Variants in EYS observed in about 807,000 individuals in gnomAD.
The protein encoded by EYS is protein eyes shut homolog.
Under a neutral mutation model 282.1 loss-of-function variants are expected in EYS, and 250 were observed. The observed-to-expected ratio is 0.89, with a 90% confidence interval of 0.80 to 0.98. The LOEUF (loss-of-function observed/expected upper bound fraction) is 0.98. Among genes scored for constraint, EYS ranks in the 50% least tolerant of loss-of-function variants. The pLI is 0.00. For synonymous variants in EYS, 1,355 were observed against 1,282.9 expected, an observed-to-expected ratio of 1.06 and a Z score of -1.20; for missense variants, 4,016 against 3,709.0, an observed-to-expected ratio of 1.08 and a Z score of -2.15.
chr6:64,465,397 T>C (rs1200170912), intron 26 of EYS, among the ~76,000 whole-genome samples: 1 of 152,092 alleles, frequency 6.6e-6, no homozygotes, highest in Non-Finnish European at 1.5e-5. Context: ...ACAGCAATAG[T>C]ACTGGCATAA....
chr6:64,368,914 C>T (rs1772263825), intron 29 of EYS, among the ~76,000 whole-genome samples: 1 of 152,024 alleles, frequency 6.6e-6, no homozygotes. Flanking sequence ...TTAATTAGGT[C>T]CCATTTGTCA....
intron 31 of EYS, among the ~76,000 whole-genome samples, chr6:64,087,793 T>C (rs1772206874): frequency 6.6e-6 from 1 of 152,086 alleles, no homozygotes; most frequent in African/African-American, 2.4e-5. Flanking sequence ...AGAAAATGTT[T>C]GAGAAAGGAT....
intron 11 of EYS, among the ~76,000 whole-genome samples, chr6:65,320,128 C>G (rs1769429609): frequency 6.6e-6 from 1 of 151,754 alleles, no homozygotes. Context: ...TTAAGTGGAG[C>G]TGCCTAAGGA....
chr6:64,185,367 C>A (rs1482757221), intron 31 of EYS, among the ~76,000 whole-genome samples: 3 of 132,392 alleles, frequency 2.3e-5, no homozygotes, highest in Non-Finnish European at 4.9e-5. Context: ...ATACTGTATT[C>A]ACTTGATTAT....
At chr6:64,295,510 GA>G (rs1216310889) in intron 30 of EYS, among the ~76,000 whole-genome samples, 6 of 21,928 alleles carry the variant, frequency 2.7e-4, no homozygotes, top group East Asian at 1.3e-3. Context: ...GAAGAAAGAA[GA>G]AAGAAGAAAG....
At chr6:64,724,212 C>G (rs550649199) in intron 22 of EYS, among the ~76,000 whole-genome samples, 2 of 152,244 alleles carry the variant, frequency 1.3e-5, no homozygotes, top group Non-Finnish European at 2.9e-5. Context: ...CTAACCCATT[C>G]AGGCTGAGCC....
chr6:64,030,760 C>A (rs1209700224), intron 33 of EYS, among the ~76,000 whole-genome samples: 2 of 152,172 alleles, frequency 1.3e-5, no homozygotes, highest in South Asian at 2.1e-4. Flanking sequence ...GAATTGAGGC[C>A]ATCAAGCTAC....
At chr6:64,226,241 A>AT (rs1305100848) in intron 31 of EYS, among the ~76,000 whole-genome samples, 2 of 152,078 alleles carry the variant, frequency 1.3e-5, no homozygotes, top group Non-Finnish European at 2.9e-5. Flanking sequence ...AAGGCAGTCT[A>AT]TTTTTTTAAC....
At chr6:65,040,076 T>C (rs528232413) in intron 13 of EYS, among the ~76,000 whole-genome samples, 1 of 151,798 alleles carries the variant, frequency 6.6e-6, no homozygotes, top group South Asian at 2.1e-4. Flanking sequence ...TCACCATTAA[T>C]GACACTTTTA....
Position 63,721,011 on chromosome 6 carries a change from TCATTTTCTTC to T in EYS, c.9010_9019del (p.Glu3004IlefsTer12). Reference sequence around the variant, plus strand: ...ATTATGGAGACCAATTGCCAGAAAATCATTTTCTTCATTTTGAGCTATTCCCATCCATACA... The same window carrying T: ...ATTATGGAGACCAATTGCCAGAAAATATTTTGAGCTATTCCCATCCATACA... On this transcript the variant is annotated frameshift_variant, in exon 43 of 43. Transcript: ENST00000503581. LOFTEE classifies it high-confidence loss of function. 1 of 1,551,312 alleles carries T rather than the reference TCATTTTCTTC, an allele frequency of 6.4e-7. No homozygotes were observed. Among genetic ancestry groups the T allele is most frequent in the Non-Finnish European group, 8.7e-7 (1 of 1,146,786 alleles).
At chr6:65,468,812 T>C (rs1216478569) in intron 5 of EYS, among the ~76,000 whole-genome samples, 1 of 152,086 alleles carries the variant, frequency 6.6e-6, no homozygotes, top group Non-Finnish European at 1.5e-5. Context: ...AAACTGAAAC[T>C]CTATTCTCTT....
intron 22 of EYS, among the ~76,000 whole-genome samples, chr6:64,779,148 C>G (rs1773780183): frequency 6.6e-6 from 1 of 152,004 alleles, no homozygotes; most frequent in Admixed American, 6.6e-5. Context: ...TTGGAATTTA[C>G]CAAAGTAAAT....
chr6:65,029,520 A>T (rs573708928), intron 13 of EYS, among the ~76,000 whole-genome samples: 7 of 152,130 alleles, frequency 4.6e-5, no homozygotes, highest in African/African-American at 1.4e-4. Flanking sequence ...TTTTCAATAA[A>T]ATTTACATGG....
chr6:63,753,152 A>G (rs892879428), intron 41 of EYS, among the ~76,000 whole-genome samples: 2 of 144,350 alleles, frequency 1.4e-5, no homozygotes, highest in Non-Finnish European at 3.0e-5. Context: ...ATATATATAT[A>G]TATATATATA....
intron 26 of EYS, among the ~76,000 whole-genome samples, chr6:64,509,695 T>C (rs1777323657): frequency 6.6e-6 from 1 of 152,180 alleles, no homozygotes; most frequent in African/African-American, 2.4e-5. Context: ...TGAGTCTTTC[T>C]TAGGAGCAAC....
intron 36 of EYS, among the ~76,000 whole-genome samples, chr6:63,840,631 A>T (rs1771932350): frequency 6.6e-6 from 1 of 152,040 alleles, no homozygotes; most frequent in Admixed American, 6.6e-5. Context: ...GTCTTCAAGA[A>T]TTCATCCTAT....
Position 64,135,090 on chromosome 6 carries a change from T to C in EYS, c.6425-53088A>G, listed in dbSNP as rs191595216. 2.0e-5 allele frequency among the ~76,000 whole-genome samples: 3 copies of C among 151,994 alleles called. No individual in the cohort carries two copies. In the East Asian group the frequency reaches 5.8e-4, roughly 29 times the overall value. ...ATATACCTCAGTCTTTAGACTAAAGTAAGGAGCTGAGTGAGGGTTTCATAG... is the reference window on the plus strand; with the variant it reads ...ATATACCTCAGTCTTTAGACTAAAGCAAGGAGCTGAGTGAGGGTTTCATAG... On this transcript the variant is annotated intron_variant, in intron 31 of 42. Transcript: ENST00000503581.
intron 41 of EYS, among the ~76,000 whole-genome samples, chr6:63,728,856 C>A (rs1407015686): frequency 2.0e-5 from 3 of 152,100 alleles, no homozygotes; most frequent in Non-Finnish European, 4.4e-5. Flanking sequence ...TACCAAGGAA[C>A]ACAATTGCTT....
chr6:65,265,014 A>G (rs1767715116), intron 12 of EYS, among the ~76,000 whole-genome samples: 1 of 152,046 alleles, frequency 6.6e-6, no homozygotes, highest in African/African-American at 2.4e-5. Context: ...AAGTTCAGAA[A>G]GATTTTAAAA....
Sources: gnomAD v4.1 joint callset for allele counts (sites outside exome capture counted in the v4.1 genomes callset) on GRCh38, gnomAD v4.1.1 for gene constraint, MANE v1.5 for transcripts, NCBI Gene and HGNC (gene_info 2026-07-23, HGNC 2026-07-21) for gene names.